RAB5B: variants seen among roughly 807,000 people sequenced by gnomAD.
The protein encoded by RAB5B is ras-related protein Rab-5B.
A neutral mutation model predicts 28.6 loss-of-function variants in RAB5B; 11 were observed. That is an observed-to-expected ratio of 0.38 (90% CI 0.24 to 0.64). RAB5B has a LOEUF of 0.64. RAB5B is among the 30% of genes least tolerant of loss of function. The pLI is 0.53. For synonymous variants in RAB5B, 93 were observed against 97.9 expected (o/e 0.95, Z 0.29); for missense variants, 169 against 265.6 (o/e 0.64, Z 2.53).
chr12:55,974,354 C>A (rs1889584352), intron 1 of RAB5B, among the ~76,000 whole-genome samples: 1 of 152,074 alleles, frequency 6.6e-6, no homozygotes. Context: ...GTCGGGAAGG[C>A]GGCTGGGCTG....
chr12:55,996,003 A>ATATATTTTTTTTTTTTTTTT lies in RAB5B; in HGVS notation c.*3792_*3793insATATTTTTTTTTTTTTTTTT. Reference sequence around the variant, plus strand: ...TATATACATATATATATATATATATATTTTTTTTTTAACAACTGGTAGGAT... The same window carrying ATATATTTTTTTTTTTTTTTT: ...TATATACATATATATATATATATATATATATTTTTTTTTTTTTTTTTTTTTTTTTTAACAACTGGTAGGAT... On this transcript the variant is annotated 3_prime_UTR_variant, in exon 6 of 6. Transcript: ENST00000360299. 1 of 97,408 alleles carries ATATATTTTTTTTTTTTTTTT rather than the reference A, an allele frequency of 1.0e-5. No homozygotes were observed. Among genetic ancestry groups the ATATATTTTTTTTTTTTTTTT allele is most frequent in the African/African-American group, 4.7e-5 (1 of 21,150 alleles). The allele number at this position is 97,408 out of a possible 1,614,324, so 6.0% of individuals were successfully genotyped here. A position where few individuals can be genotyped will look rare whatever the true frequency, so the allele number is the denominator to read the frequency against.
At position 55,996,003 on chromosome 12, in the gene RAB5B, A is replaced by ATATTT; in HGVS notation, c.*3792_*3793insATTTT. ...TATATACATATATATATATATATAT[A>ATATTT]TTTTTTTTTTAACAACTGGTAGGAT... On this transcript the variant is annotated 3_prime_UTR_variant, in exon 6 of 6. Coordinates refer to ENST00000360299, the MANE Select transcript of RAB5B (RefSeq NM_002868.4). 1.6e-4 allele frequency: 16 copies of ATATTT among 97,408 alleles called. 1 individual carries two copies. Among genetic ancestry groups the ATATTT allele is most frequent in the African/African-American group, 5.2e-4 (11 of 21,150 alleles). 6.0% of individuals were successfully genotyped at this position (97,408 alleles called of 1,614,324 possible). A position where few individuals can be genotyped will look rare whatever the true frequency, so the allele number is the denominator to read the frequency against.
chr12:55,975,926 A>G (rs1287805429), intron 1 of RAB5B, among the ~76,000 whole-genome samples: 1 of 146,372 alleles, frequency 6.8e-6, no homozygotes, highest in African/African-American at 2.5e-5. Flanking sequence ...TAATTTTTGT[A>G]TTTTTAGTAG....
intron 1 of RAB5B, among the ~76,000 whole-genome samples, chr12:55,983,875 G>A (rs774311035): frequency 6.6e-6 from 1 of 151,874 alleles, no homozygotes; most frequent in Non-Finnish European, 1.5e-5. Context: ...GCCTAGGCTG[G>A]TCTCAAACTC....
chr12:55,991,353 C>T lies in RAB5B; in HGVS notation c.439-7C>T. On this transcript the variant is annotated splice_region_variant and splice_polypyrimidine_tract_variant and intron_variant, in intron 4 of 5. Coordinates refer to ENST00000360299, the MANE Select transcript of RAB5B (RefSeq NM_002868.4). ...TTCTGAGCACTAATACATCCCACTC[C>T]TTGCAGGAGGCCCAGGCATATGCAG... The T allele has an allele frequency of 6.2e-7, 1 of 1,610,626 alleles. No homozygotes were observed. The highest frequency in any genetic ancestry group is 8.5e-7 in the Non-Finnish European group (1 of 1,176,902).
chr12:55,985,571 A>G, intron 1 of RAB5B: 1 of 359,000 alleles, frequency 2.8e-6, no homozygotes, highest in South Asian at 2.1e-5. Context: ...CAAAGTCCCA[A>G]CTCTTCTCTC....
Position 55,982,244 on chromosome 12 carries a change from C to CA in RAB5B, c.-92-4608dup, listed in dbSNP as rs62786060. On this transcript the variant is annotated intron_variant, in intron 1 of 5. Transcript: ENST00000360299. ...TCATCATACCACTTGACTGGTTTAC[C>CA]AAAAAAAAAAAAAAAAATTAGTATT... Among the ~76,000 whole-genome samples, 649 of 115,024 alleles carry CA rather than the reference C, an allele frequency of 5.6e-3. 1 individual carries two copies. The highest frequency in any genetic ancestry group is 6.4e-3 in the Non-Finnish European group (342 of 53,646). The allele number at this position is 115,024 out of a possible 152,430, so 75.5% of individuals were successfully genotyped here.
rs1295132401 is a variant in RAB5B at position 55,992,370 on chromosome 12, C to G, written c.*158C>G. The G allele has an allele frequency of 1.4e-6, 1 of 711,746 alleles. No individual in the cohort carries two copies. The highest frequency in any genetic ancestry group is 2.5e-6 in the Non-Finnish European group (1 of 402,700). The allele number at this position is 711,746 out of a possible 1,614,324, so 44.1% of individuals were successfully genotyped here. A position where few individuals can be genotyped will look rare whatever the true frequency, so the allele number is the denominator to read the frequency against. On this transcript the variant is annotated 3_prime_UTR_variant, in exon 6 of 6. Transcript: ENST00000360299. The stretch of plus-strand genomic sequence containing the variant: ...AGCTCCGTCATGGCACTTTTTAACG[C>G]TTCAGCAACAAACACCAGGCAGCTG...
At chr12:55,984,562 T>TA in intron 1 of RAB5B, among the ~76,000 whole-genome samples, 1 of 152,008 alleles carries the variant, frequency 6.6e-6, no homozygotes, top group South Asian at 2.1e-4. Context: ...GTGCACCCTC[T>TA]ACCTTCTGGG....
chr12:55,987,096 C>G lies in RAB5B; in HGVS notation c.136C>G (p.His46Asp), dbSNP rs763623639. ...ATTACGTTTTGTCAAAGGGCAGTTCCATGAGTACCAGGAGAGCACCATTGG... is the reference window on the plus strand; with the variant it reads ...ATTACGTTTTGTCAAAGGGCAGTTCGATGAGTACCAGGAGAGCACCATTGG... ...LVLRFVKGQF[H>D]EYQESTIGAA... Residue 46 changes from histidine to aspartate, a missense_variant, in exon 2 of 6, where the codon CAT becomes GAT. Around this residue, in one of 3 missense-constraint regions of RAB5B, gnomAD observed 43 missense variants for 85.8 expected, o/e 0.50. Coordinates refer to ENST00000360299, the MANE Select transcript of RAB5B (RefSeq NM_002868.4). The G allele has an allele frequency of 1.3e-5, 21 of 1,613,850 alleles. No individual in the cohort carries two copies. The highest frequency in any genetic ancestry group is 1.8e-5 in the Non-Finnish European group (21 of 1,179,920).
intron 4 of RAB5B, 111 bp downstream of exon 4, chr12:55,990,915 T>C: frequency 1.5e-6 from 2 of 1,351,500 alleles, no homozygotes; most frequent in South Asian, 2.7e-5. Flanking sequence ...ATTGTCTCAT[T>C]CCCCAGTTCT....
chr12:55,987,954 C>T (rs1890001002), intron 2 of RAB5B, among the ~76,000 whole-genome samples: 2 of 151,938 alleles, frequency 1.3e-5, no homozygotes, highest in South Asian at 4.2e-4. Context: ...CAAGACCAGC[C>T]TGGCCAACAA....
chr12:55,992,705 G>A lies in RAB5B; in HGVS notation c.*493G>A, dbSNP rs1890172046. The A allele has an allele frequency of 5.4e-6, 2 of 369,824 alleles. No individual in the cohort carries two copies. Among genetic ancestry groups the A allele is most frequent in the Non-Finnish European group, 1.0e-5 (2 of 195,784 alleles). The allele number at this position is 369,824 out of a possible 1,614,324, so 22.9% of individuals were successfully genotyped here. A position where few individuals can be genotyped will look rare whatever the true frequency, so the allele number is the denominator to read the frequency against. ...GTTCATTTACATTAAGGGCCCTGGG[G>A]GAGAATAAAGCTCAGAGCAGGAGGG... is the stretch of plus-strand genomic sequence containing the variant. On this transcript the variant is annotated 3_prime_UTR_variant, in exon 6 of 6. Coordinates refer to ENST00000360299, the MANE Select transcript of RAB5B (RefSeq NM_002868.4).
intron 1 of RAB5B, among the ~76,000 whole-genome samples, chr12:55,976,649 G>A (rs1025999053): frequency 2.0e-5 from 3 of 152,162 alleles, no homozygotes; most frequent in African/African-American, 7.2e-5. Context: ...AGAGGCCCCT[G>A]TATTTGTCTT....
At chr12:55,978,817 G>A (rs1427042735) in intron 1 of RAB5B, among the ~76,000 whole-genome samples, 1 of 148,932 alleles carries the variant, frequency 6.7e-6, no homozygotes, top group African/African-American at 2.5e-5. Context: ...TTGCTGTCCA[G>A]GCTGGAGTAC....
intron 1 of RAB5B, among the ~76,000 whole-genome samples, chr12:55,982,537 T>C (rs1889838628): frequency 1.3e-5 from 2 of 151,772 alleles, no homozygotes; most frequent in South Asian, 4.2e-4. Context: ...CAAGTGATCC[T>C]CCTGCCTTGG....
intron 1 of RAB5B, chr12:55,985,751 AG>A (rs1306223022): frequency 6.6e-6 from 3 of 455,836 alleles, no homozygotes; most frequent in African/African-American, 6.0e-5. Context: ...TCTAATTTGG[AG>A]GGCTACAGCT....
rs374401532 is a variant in RAB5B at position 55,981,614 on chromosome 12, G to A, written c.-92-5255G>A. Among the ~76,000 whole-genome samples the A allele has an allele frequency of 8.5e-4, 129 of 152,148 alleles. No homozygotes were observed. The Middle Eastern group carries it at 0.01, about 12-fold the overall frequency. ...AGTGGAAGGGGGCTTGAGGAATGGA[G>A]TCTTACTCTAGCTGGGACTGCTAAG... On this transcript the variant is annotated intron_variant, in intron 1 of 5. Coordinates refer to ENST00000360299, the MANE Select transcript of RAB5B (RefSeq NM_002868.4).
chr12:55,981,412 G>C (rs1384247774), intron 1 of RAB5B, among the ~76,000 whole-genome samples: 1 of 152,064 alleles, frequency 6.6e-6, no homozygotes, highest in African/African-American at 2.4e-5. Context: ...ATAAAATATA[G>C]AGACTGGACT....
Sources: allele counts gnomAD v4.1 joint callset (sites outside exome capture counted in the v4.1 genomes callset), GRCh38; gene constraint gnomAD v4.1.1; regional missense constraint gnomAD v4.1.1; transcripts MANE v1.5; gene names NCBI Gene and HGNC (gene_info 2026-07-23, HGNC 2026-07-21).